The following HDX variants were observed in gnomAD, a reference collection of about 807,000 sequenced individuals.
The protein encoded by HDX is highly divergent homeobox.
A neutral mutation model predicts 45.2 loss-of-function variants in HDX; 19 were observed. The observed-to-expected ratio is 0.42, with a 90% confidence interval of 0.29 to 0.62. The LOEUF (loss-of-function observed/expected upper bound fraction) is 0.62, where lower values mean the gene tolerates loss of function less well. Ranked by LOEUF, HDX falls within the 20% of genes least tolerant of loss-of-function variation. HDX has a pLI of 0.20. For synonymous variants in HDX, 188 were observed against 172.8 expected (o/e 1.09, Z -0.69); for missense variants, 532 against 493.9 (o/e 1.08, Z -0.73).
chrX:84,353,411 C>A (rs1265685832), intron 6 of HDX, among the ~76,000 whole-genome samples: 2 of 110,774 alleles, frequency 1.8e-5, no homozygotes, highest in African/African-American at 6.6e-5. Context: ...ATAAAGGAGA[C>A]CCCAGGGAGA....
intron 5 of HDX, among the ~76,000 whole-genome samples, chrX:84,379,703 C>A (rs1267255712): frequency 1.8e-5 from 2 of 110,143 alleles, no homozygotes; most frequent in Non-Finnish European, 3.8e-5. Context: ...ACAAAACATA[C>A]CAAAACCTAT....
chrX:84,475,499 T>C, intron 2 of HDX, 102 bp from the exon 3 acceptor site: 1 of 476,385 alleles, frequency 2.1e-6, no homozygotes, highest in Non-Finnish European at 3.4e-6. Context: ...TTCCAAGCTG[T>C]AAACTTCTGT....
chrX:84,386,940 T>C (rs1311434634), intron 5 of HDX, among the ~76,000 whole-genome samples: 1 of 111,281 alleles, frequency 9.0e-6, no homozygotes, highest in African/African-American at 3.3e-5. Flanking sequence ...AAAGTTAGGT[T>C]ATTAATTTGA....
intron 5 of HDX, 98 bp downstream of exon 5, chrX:84,440,433 GT>G: frequency 1.7e-6 from 1 of 581,411 alleles, no homozygotes; most frequent in Non-Finnish European, 2.9e-6. Flanking sequence ...TCAAGGTTCA[GT>G]TTTGCCAGCT....
rs181731720 is a variant in HDX, at chrX:84,397,990, A to G, written c.1306-36378T>C. 3.0e-3 allele frequency among the ~76,000 whole-genome samples: 335 copies of G among 110,774 alleles called. 2 individuals are homozygous for G. Among genetic ancestry groups the G allele is most frequent in the African/African-American group, 0.01 (318 of 30,426 alleles). ...AGAATCCTGCACCGGCAACCAAGGT[A>G]TCCAGGTTCTCTCATCCTGGGACTG... On this transcript the variant is annotated intron_variant, in intron 5 of 10. Transcript: ENST00000373177.
intron 4 of HDX, among the ~76,000 whole-genome samples, chrX:84,448,297 C>T (rs1472441472): frequency 1.8e-5 from 2 of 111,143 alleles, no homozygotes; most frequent in Non-Finnish European, 3.8e-5. Context: ...CAAGGACTCA[C>T]CCACCCATCC....
intron 5 of HDX, among the ~76,000 whole-genome samples, chrX:84,403,449 A>G (rs1407957574): frequency 1.8e-5 from 2 of 111,729 alleles, no homozygotes; most frequent in Non-Finnish European, 3.8e-5. Flanking sequence ...TCTCTACTTC[A>G]TAGTTTAACA....
At chrX:84,457,919 G>A (rs1398975719) in intron 4 of HDX, among the ~76,000 whole-genome samples, 1 of 111,860 alleles carries the variant, frequency 8.9e-6, no homozygotes, top group Non-Finnish European at 1.9e-5. Flanking sequence ...TATCCAGTGT[G>A]GGGGAGGGGA....
At chrX:84,500,279 T>G (rs1414121509) in intron 1 of HDX, 2 of 103,261 alleles carry the variant, frequency 1.9e-5, no homozygotes, top group Admixed American at 2.0e-4. Flanking sequence ...ATAAAAATAC[T>G]GCTTCATTTC....
intron 4 of HDX, among the ~76,000 whole-genome samples, chrX:84,457,692 T>A (rs181163242): frequency 7.1e-5 from 8 of 112,108 alleles, no homozygotes; most frequent in Admixed American, 1.9e-4. Flanking sequence ...TAGCTGTAAC[T>A]TCTTCTGATG....
chrX:84,364,578 T>C (rs1180016581), intron 5 of HDX, among the ~76,000 whole-genome samples: 2 of 92,492 alleles, frequency 2.2e-5, no homozygotes, highest in African/African-American at 8.2e-5. Flanking sequence ...CTTGGCTCAC[T>C]GCAACCTCTG....
chrX:84,372,180 G>A (rs894499582), intron 5 of HDX, among the ~76,000 whole-genome samples: 1 of 111,454 alleles, frequency 9.0e-6, no homozygotes, highest in African/African-American at 3.3e-5. Context: ...AATAAACTAG[G>A]TAGTTCAGCA....
chrX:84,451,481 A>G (rs753516909), intron 4 of HDX, among the ~76,000 whole-genome samples: 1 of 110,750 alleles, frequency 9.0e-6, no homozygotes, highest in South Asian at 3.8e-4. Flanking sequence ...AAAAAGAAAT[A>G]GAAAACCTGA....
chrX:84,364,071 G>A (rs1292442146), intron 5 of HDX, among the ~76,000 whole-genome samples: 1 of 111,771 alleles, frequency 8.9e-6, no homozygotes, highest in Non-Finnish European at 1.9e-5. Context: ...ACACTTCTAA[G>A]AGTTTGGTTC....
chrX:84,361,796 T>A (rs1397187804), intron 5 of HDX, among the ~76,000 whole-genome samples, 184 bp from the exon 6 acceptor site: 2 of 111,814 alleles, frequency 1.8e-5, no homozygotes, highest in African/African-American at 3.2e-5. Context: ...TCCATAACAA[T>A]ACAGTGTGTT....
At chrX:84,376,124 T>C (rs1378838174) in intron 5 of HDX, among the ~76,000 whole-genome samples, 1 of 112,251 alleles carries the variant, frequency 8.9e-6, no homozygotes, top group Non-Finnish European at 1.9e-5. Flanking sequence ...TTTGTATACA[T>C]GGCCTGTGCC....
Position 84,320,620 on chromosome X carries a change from G to A in HDX, c.*1269C>T, listed in dbSNP as rs746538022. The A allele has an allele frequency of 1.8e-5, 2 of 111,206 alleles. No individual in the cohort carries two copies. The highest frequency in any genetic ancestry group is 6.5e-5 in the African/African-American group (2 of 30,866). 9.2% of individuals were successfully genotyped at this position (111,206 alleles called of 1,213,427 possible). On this transcript the variant is annotated 3_prime_UTR_variant, in exon 11 of 11. Transcript: ENST00000373177. ...CTACTTCATTAATCTTTTAGGTATA[G>A]ATAGTAATTTAACCATGCAACACAA...
At chrX:84,413,996 T>C (rs2039046736) in intron 5 of HDX, among the ~76,000 whole-genome samples, 1 of 111,241 alleles carries the variant, frequency 9.0e-6, no homozygotes, top group African/African-American at 3.3e-5. Flanking sequence ...TGACAGAAAA[T>C]TAGAGAGGAT....
chrX:84,323,234 A>G (rs2036635835), intron 10 of HDX, among the ~76,000 whole-genome samples: 1 of 111,150 alleles, frequency 9.0e-6, no homozygotes, highest in Non-Finnish European at 1.9e-5. Flanking sequence ...AACTGAGAGT[A>G]TATACACAGT....
Sources: gnomAD v4.1 joint callset for allele counts (sites outside exome capture counted in the v4.1 genomes callset) on GRCh38, gnomAD v4.1.1 for gene constraint, MANE v1.5 for transcripts, NCBI Gene and HGNC (gene_info 2026-07-23, HGNC 2026-07-21) for gene names.